The following IQSEC1 variants were observed in gnomAD, a reference collection of about 807,000 sequenced individuals.
IQSEC1 encodes IQ motif and SEC7 domain-containing protein 1.
IQSEC1 carries 31 observed loss-of-function variants against 91.0 expected under a neutral mutation model. That is an observed-to-expected ratio of 0.34 (90% CI 0.26 to 0.46). IQSEC1 has a LOEUF of 0.46. IQSEC1 is among the 20% of genes least tolerant of loss of function. IQSEC1 has a pLI of 1.00. For missense variants in IQSEC1, 1,388 were observed against 1,575.6 expected (o/e 0.88, Z 2.02); for synonymous variants, 699 against 662.6 (o/e 1.05, Z -0.84).
At chr3:12,943,432 T>C (rs1470103492) in intron 1 of IQSEC1, among the ~76,000 whole-genome samples, 1 of 152,156 alleles carries the variant, frequency 6.6e-6, no homozygotes, top group Non-Finnish European at 1.5e-5. Context: ...GAGCGAGTTA[T>C]GTCACAGTTT....
At chr3:13,222,792 G>A (rs1694687184) in intron 1 of IQSEC1, among the ~76,000 whole-genome samples, 1 of 152,196 alleles carries the variant, frequency 6.6e-6, no homozygotes, top group African/African-American at 2.4e-5. Context: ...GACCCACAAA[G>A]GGCGACGTGT....
At chr3:12,989,207 T>C (rs1191580966) in intron 1 of IQSEC1, among the ~76,000 whole-genome samples, 1 of 152,242 alleles carries the variant, frequency 6.6e-6, no homozygotes, top group Non-Finnish European at 1.5e-5. Flanking sequence ...CCGGAGGGCA[T>C]GGCTTTCGGT....
At chr3:12,950,641 T>C (rs1179965516) in intron 1 of IQSEC1, among the ~76,000 whole-genome samples, 1 of 127,210 alleles carries the variant, frequency 7.9e-6, no homozygotes, top group Non-Finnish European at 1.7e-5. Flanking sequence ...ACTCCATCTC[T>C]ACAAATTTTT....
intron 1 of IQSEC1, among the ~76,000 whole-genome samples, chr3:13,278,544 T>C (rs904657581): frequency 6.6e-6 from 1 of 151,928 alleles, no homozygotes; most frequent in African/African-American, 2.4e-5. Flanking sequence ...GGAGGCTGGG[T>C]GTGGTGGCTC....
chr3:13,206,790 G>T (rs75150218), intron 1 of IQSEC1, among the ~76,000 whole-genome samples: 2,363 of 152,208 alleles, frequency 0.016, 57 homozygotes, highest in African/African-American at 0.053. Flanking sequence ...GCACATCTTG[G>T]TATTTATTTG....
chr3:13,163,727 C>T (rs904883035), intron 2 of IQSEC1, among the ~76,000 whole-genome samples: 3 of 152,154 alleles, frequency 2.0e-5, no homozygotes, highest in African/African-American at 7.2e-5. Context: ...TTAGACTTGC[C>T]CTGACCCCGC....
chr3:13,279,780 G>C (rs149698802), intron 1 of IQSEC1, among the ~76,000 whole-genome samples: 88 of 152,314 alleles, frequency 5.8e-4, no homozygotes, highest in Non-Finnish European at 1.1e-3. Flanking sequence ...TAGGGGGAAA[G>C]GGGAGCAGAG....
intron 1 of IQSEC1, among the ~76,000 whole-genome samples, chr3:12,987,516 C>T (rs991536437): frequency 2.0e-5 from 3 of 152,090 alleles, no homozygotes; most frequent in Non-Finnish European, 4.4e-5. Context: ...AGGTGAATAA[C>T]GAGAATCTTC....
intron 2 of IQSEC1, among the ~76,000 whole-genome samples, chr3:13,159,526 C>T (rs889902389): frequency 6.6e-6 from 1 of 152,190 alleles, no homozygotes; most frequent in Non-Finnish European, 1.5e-5. Context: ...GCACCACAGG[C>T]GACACTGACT....
chr3:12,938,026 G>A (rs548338702), intron 2 of IQSEC1, among the ~76,000 whole-genome samples: 13 of 152,318 alleles, frequency 8.5e-5, no homozygotes, highest in Middle Eastern at 3.4e-3. Context: ...GACCAAGGAC[G>A]GTCCTGAGGG....
Position 12,901,049 on chromosome 3 carries a change from CTGCCCATGGTGGTGCACTGTG to C in IQSEC1, c.3258_3278del (p.His1086_Gly1092del). 6.5e-7 allele frequency: 1 copy of C among 1,542,336 alleles called. No individual in the cohort carries two copies. The highest frequency in any genetic ancestry group is 8.7e-7 in the Non-Finnish European group (1 of 1,146,386). On this transcript the variant is annotated inframe_deletion, in exon 14 of 14. Coordinates refer to ENST00000613206, the MANE Select transcript of IQSEC1 (RefSeq NM_001134382.3). The stretch of plus-strand genomic sequence containing the variant: ...TGGTGGGGGGCGGCGGGGCAGGGGG[CTGCCCATGGTGGTGCACTGTG>C]TGCCCCACGTGGGCCGAGGGCAGCG...
At chr3:13,161,183 G>C (rs887053696) in intron 2 of IQSEC1, among the ~76,000 whole-genome samples, 1 of 152,194 alleles carries the variant, frequency 6.6e-6, no homozygotes, top group African/African-American at 2.4e-5. Context: ...TCATTTGGTG[G>C]GAGCTGGAGG....
intron 1 of IQSEC1, among the ~76,000 whole-genome samples, chr3:13,063,940 C>T (rs1280881217): frequency 1.3e-5 from 2 of 152,030 alleles, no homozygotes; most frequent in African/African-American, 4.8e-5. Flanking sequence ...CTGATACCCA[C>T]CCTCACCTTT....
chr3:13,261,878 C>A (rs1341298920), intron 1 of IQSEC1, among the ~76,000 whole-genome samples: 2 of 152,246 alleles, frequency 1.3e-5, no homozygotes, highest in African/African-American at 4.8e-5. Context: ...CAGAAGCCAA[C>A]GTAAAAATGC....
intron 1 of IQSEC1, among the ~76,000 whole-genome samples, chr3:12,953,865 G>A (rs1270199344): frequency 1.3e-5 from 2 of 152,194 alleles, no homozygotes; most frequent in Non-Finnish European, 2.9e-5. Flanking sequence ...CTGCACAGTG[G>A]GGGCAAGGCC....
chr3:12,924,831 C>T lies in IQSEC1; in HGVS notation c.1569-89G>A. ...GGATCTCCGCTCAGTGGACGGTCGA[C>T]ATTCTCCCTCCCTGCCCACCTGCAC... On this transcript the variant is annotated intron_variant, in intron 3 of 13. Transcript: ENST00000613206. This position sits in a 1 kb window ranked among gnomAD's most constrained non-coding sequence, Gnocchi z 6.3. 1 of 1,264,050 alleles carries T rather than the reference C, an allele frequency of 7.9e-7. No homozygotes were observed. Among genetic ancestry groups the T allele is most frequent in the Non-Finnish European group, 1.1e-6 (1 of 921,080 alleles). The allele number at this position is 1,264,050 out of a possible 1,614,324, so 78.3% of individuals were successfully genotyped here. A position where few individuals can be genotyped will look rare whatever the true frequency, so the allele number is the denominator to read the frequency against.
At chr3:13,033,705 A>C (rs1703930953) in intron 1 of IQSEC1, among the ~76,000 whole-genome samples, 1 of 152,138 alleles carries the variant, frequency 6.6e-6, no homozygotes, top group Admixed American at 6.5e-5. Context: ...TGAAGGCAGG[A>C]AAATACCAAC....
In IQSEC1 at chr3:12,909,945, A is replaced by G. The variant is rs1387782680; in HGVS notation, c.2417-511T>C. On this transcript the variant is annotated intron_variant, in intron 10 of 13. Coordinates refer to ENST00000613206, the MANE Select transcript of IQSEC1 (RefSeq NM_001134382.3). This position sits in a 1 kb window ranked among gnomAD's most constrained non-coding sequence, Gnocchi z 4.9. ...CTCCGGCAGTGGGAGTCACTGGCAG[A>G]GCATCAGCCACTGGATGTTTGAAGG... Among the ~76,000 whole-genome samples the G allele has an allele frequency of 6.6e-6, 1 of 152,180 alleles. No homozygotes were observed. Among genetic ancestry groups the G allele is most frequent in the Non-Finnish European group, 1.5e-5 (1 of 68,022 alleles).
At chr3:13,016,938 T>C (rs1703160726) in intron 1 of IQSEC1, among the ~76,000 whole-genome samples, 1 of 152,156 alleles carries the variant, frequency 6.6e-6, no homozygotes. Flanking sequence ...CTCTATAGAT[T>C]TGCCTGTTCT....
Sources: gnomAD v4.1 joint callset for allele counts (sites outside exome capture counted in the v4.1 genomes callset) on GRCh38, gnomAD v4.1.1 for gene constraint, Gnocchi (gnomAD v3.1) non-coding constraint, MANE v1.5 for transcripts, NCBI Gene and HGNC (gene_info 2026-07-23, HGNC 2026-07-21) for gene names.